Variants in EDA observed in about 807,000 individuals in gnomAD.
EDA encodes ectodysplasin A.
Under a neutral mutation model 23.6 loss-of-function variants are expected in EDA, and 2 were observed. The observed-to-expected ratio is 0.08, with a 90% CI of 0.03 to 0.27. EDA has a LOEUF of 0.27. EDA is among the 10% of genes least tolerant of loss of function. EDA has a pLI of 1.00. For synonymous variants in EDA, 131 were observed against 132.0 expected (o/e 0.99, Z 0.05); for missense variants, 229 against 324.2 (o/e 0.71, Z 2.26).
intron 2 of EDA, among the ~76,000 whole-genome samples, chrX:70,004,498 C>T (rs2019776178): frequency 8.9e-6 from 1 of 112,107 alleles, no homozygotes; most frequent in Non-Finnish European, 1.9e-5. Flanking sequence ...TCTCACTCTT[C>T]TTTGAAGCTA....
At chrX:69,690,913 A>T (rs1226458516) in intron 1 of EDA, among the ~76,000 whole-genome samples, 2 of 111,855 alleles carry the variant, frequency 1.8e-5, no homozygotes. Flanking sequence ...ATTTGTATAC[A>T]TACAGTTGTT....
At chrX:69,642,218 G>A (rs1246085412) in intron 1 of EDA, among the ~76,000 whole-genome samples, 1 of 111,190 alleles carries the variant, frequency 9.0e-6, no homozygotes, top group African/African-American at 3.3e-5. Context: ...TGAAAGGCCT[G>A]GGTTTGATTA....
At chrX:69,629,563 T>C (rs954621078) in intron 1 of EDA, among the ~76,000 whole-genome samples, 2 of 111,831 alleles carry the variant, frequency 1.8e-5, no homozygotes, top group African/African-American at 6.5e-5. Flanking sequence ...TAAAATATAG[T>C]TGTACACATT....
At chrX:69,655,111 A>G (rs754805205) in intron 1 of EDA, among the ~76,000 whole-genome samples, 91 of 112,196 alleles carry the variant, frequency 8.1e-4, no homozygotes, top group African/African-American at 2.6e-3. Flanking sequence ...AAATAAAACA[A>G]TAGGCTGGGC....
chrX:69,777,574 G>A (rs762238618), intron 1 of EDA, among the ~76,000 whole-genome samples: 1 of 110,917 alleles, frequency 9.0e-6, no homozygotes, highest in African/African-American at 3.3e-5. Context: ...CTCTGATAGT[G>A]CTTTTTCATC....
At chrX:69,789,804 A>G (rs1260270131) in intron 1 of EDA, among the ~76,000 whole-genome samples, 5 of 112,182 alleles carry the variant, frequency 4.5e-5, no homozygotes, top group African/African-American at 1.6e-4. Flanking sequence ...CAAAAAGTAG[A>G]TAGGTGATCT....
At chrX:69,656,068 G>A (rs1933312276) in intron 1 of EDA, among the ~76,000 whole-genome samples, 1 of 109,107 alleles carries the variant, frequency 9.2e-6, no homozygotes, top group Admixed American at 1.0e-4. Context: ...TCAGATATAT[G>A]CCTTGTCTGT....
chrX:69,770,512 TTA>T (rs1295445024), intron 1 of EDA, among the ~76,000 whole-genome samples: 1 of 112,163 alleles, frequency 8.9e-6, no homozygotes, highest in African/African-American at 3.2e-5. Flanking sequence ...TTTCATGTGC[TTA>T]TTTTGCCATC....
chrX:69,957,409 G>A, intron 2 of EDA: 1 of 285,370 alleles, frequency 3.5e-6, no homozygotes, highest in South Asian at 4.7e-5. Context: ...AAACTGGGAG[G>A]TAGAGGTTGC....
chrX:69,669,620 C>T (rs1933812835), intron 1 of EDA, among the ~76,000 whole-genome samples: 1 of 111,490 alleles, frequency 9.0e-6, no homozygotes, highest in African/African-American at 3.3e-5. Context: ...GTATTTTTAA[C>T]AACATTATAA....
At chrX:69,792,547 T>C (rs2015431280) in intron 1 of EDA, among the ~76,000 whole-genome samples, 1 of 112,456 alleles carries the variant, frequency 8.9e-6, no homozygotes, top group South Asian at 3.7e-4. Context: ...ATCTCCATAC[T>C]GTTTTCTATA....
intron 2 of EDA, among the ~76,000 whole-genome samples, chrX:69,999,941 A>C (rs1329415224): frequency 8.9e-6 from 1 of 111,753 alleles, no homozygotes; most frequent in Non-Finnish European, 1.9e-5. Flanking sequence ...CAATAATAGG[A>C]AATCTCTTAA....
At chrX:69,808,735 G>A (rs1320156157) in intron 1 of EDA, among the ~76,000 whole-genome samples, 1 of 111,894 alleles carries the variant, frequency 8.9e-6, no homozygotes, top group East Asian at 2.8e-4. Flanking sequence ...TCAAGGTGAA[G>A]ACAAACTGCA....
chrX:69,800,855 A>G (rs1480748179), intron 1 of EDA, among the ~76,000 whole-genome samples: 1 of 111,800 alleles, frequency 8.9e-6, no homozygotes, highest in Non-Finnish European at 1.9e-5. Flanking sequence ...AGAGTCTCAT[A>G]AAGTCTCATA....
intron 1 of EDA, among the ~76,000 whole-genome samples, chrX:69,913,300 A>G (rs1410275983): frequency 8.9e-6 from 1 of 112,214 alleles, no homozygotes; most frequent in East Asian, 2.8e-4. Flanking sequence ...TAATGTAGCA[A>G]CCTTCATCAA....
At chrX:69,783,155 G>C (rs1205904248) in intron 1 of EDA, among the ~76,000 whole-genome samples, 1 of 111,552 alleles carries the variant, frequency 9.0e-6, no homozygotes. Flanking sequence ...TATTGTCATT[G>C]GAGTTAAAAG....
intron 1 of EDA, among the ~76,000 whole-genome samples, chrX:69,916,051 C>T (rs1273206992): frequency 1.8e-5 from 2 of 111,702 alleles, no homozygotes; most frequent in Non-Finnish European, 3.8e-5. Flanking sequence ...ATGCATGATA[C>T]CGTTAAGTGC....
intron 1 of EDA, among the ~76,000 whole-genome samples, chrX:69,831,206 C>T (rs770762580): frequency 9.0e-6 from 1 of 111,418 alleles, no homozygotes; most frequent in African/African-American, 3.3e-5. Flanking sequence ...TAATGCTATA[C>T]CTCCCCCAGC....
In EDA at chrX:70,030,480, G is replaced by T; in HGVS notation, c.753G>T (p.Val251=). ...TCTCATCCTGCCAGCCAGCTGTGGT[G>T]CATCTACAGGGCCAAGGGTCAGCAA... ...AGTRENQPAV[V]HLQGQGSAIQ... Residue 251 remains valine (V), a synonymous_variant, in exon 6 of 8, where the codon GTG becomes GTT. Coordinates refer to ENST00000374552, the MANE Select transcript of EDA (RefSeq NM_001399.5). 3 of 1,206,963 alleles carry T rather than the reference G, an allele frequency of 2.5e-6. No individual in the cohort carries two copies. Among genetic ancestry groups the T allele is most frequent in the Non-Finnish European group, 3.4e-6 (3 of 892,580 alleles).
Sources: allele counts gnomAD v4.1 joint callset (sites outside exome capture counted in the v4.1 genomes callset), GRCh38; gene constraint gnomAD v4.1.1; transcripts MANE v1.5; gene names NCBI Gene and HGNC (gene_info 2026-07-23, HGNC 2026-07-21).